Variants in TMEM132D observed in about 807,000 individuals in gnomAD.
TMEM132D encodes the protein transmembrane protein 132D.
In TMEM132D, 21 loss-of-function variants were observed where a neutral mutation model predicts 62.3. That is an observed-to-expected ratio of 0.34 (90% CI 0.24 to 0.49). TMEM132D has a LOEUF of 0.49. Among genes scored for constraint, TMEM132D ranks in the 20% least tolerant of loss-of-function variants. TMEM132D has a pLI of 0.99. For missense variants in TMEM132D, 1,346 were observed against 1,402.8 expected (o/e 0.96, Z 0.65); for synonymous variants, 621 against 575.6 (o/e 1.08, Z -1.13).
intron 2 of TMEM132D, among the ~76,000 whole-genome samples, chr12:129,646,245 G>A (rs569380955): frequency 2.6e-5 from 4 of 152,176 alleles, no homozygotes; most frequent in East Asian, 3.9e-4. Flanking sequence ...AGTACATTTC[G>A]CACTGTCTCT....
At chr12:129,240,246 A>C (rs1022949452) in intron 4 of TMEM132D, among the ~76,000 whole-genome samples, 8 of 152,182 alleles carry the variant, frequency 5.3e-5, no homozygotes, top group African/African-American at 1.7e-4. Context: ...TTTATGTATA[A>C]AATGACCCTC....
chr12:129,546,025 G>T (rs1876722396), intron 2 of TMEM132D, among the ~76,000 whole-genome samples: 1 of 152,068 alleles, frequency 6.6e-6, no homozygotes, highest in Admixed American at 6.6e-5. Context: ...AGCTAGCGTG[G>T]GGTTCGATCA....
chr12:129,675,910 A>G (rs1375848751), intron 2 of TMEM132D, among the ~76,000 whole-genome samples: 3 of 152,208 alleles, frequency 2.0e-5, no homozygotes, highest in Non-Finnish European at 4.4e-5. Flanking sequence ...TGAGTGAAAA[A>G]CAGTGACATT....
intron 5 of TMEM132D, among the ~76,000 whole-genome samples, chr12:129,117,524 CT>C (rs1875931243): frequency 6.6e-6 from 1 of 152,120 alleles, no homozygotes; most frequent in Non-Finnish European, 1.5e-5. Flanking sequence ...CACATATCGG[CT>C]TACTTAATTT....
chr12:129,244,373 G>C (rs112384378), intron 4 of TMEM132D, among the ~76,000 whole-genome samples: 2 of 121,118 alleles, frequency 1.7e-5, no homozygotes, highest in South Asian at 6.0e-4. Context: ...GCGACAGAGC[G>C]AGACTCTGTC....
chr12:129,789,167 G>A (rs777656816), intron 1 of TMEM132D, among the ~76,000 whole-genome samples: 3 of 152,042 alleles, frequency 2.0e-5, no homozygotes, highest in African/African-American at 4.8e-5. Flanking sequence ...CCCATCACCC[G>A]AGCAGTGTTC....
At chr12:129,452,378 G>C (rs1250166953) in intron 3 of TMEM132D, among the ~76,000 whole-genome samples, 1 of 152,220 alleles carries the variant, frequency 6.6e-6, no homozygotes, top group Non-Finnish European at 1.5e-5. Context: ...CTCTGAAAAA[G>C]TAGCTGCTGT....
intron 3 of TMEM132D, among the ~76,000 whole-genome samples, chr12:129,421,961 G>T (rs1872336829): frequency 6.6e-6 from 1 of 152,102 alleles, no homozygotes. Context: ...ACAGAACAAT[G>T]CCATCGTTCC....
At chr12:129,348,554 G>T (rs769715291) in intron 3 of TMEM132D, among the ~76,000 whole-genome samples, 18 of 151,948 alleles carry the variant, frequency 1.2e-4, no homozygotes, top group Non-Finnish European at 2.4e-4. Context: ...AGGGCCTGTC[G>T]GGGGTAGTGG....
At chr12:129,775,735 G>C (rs908900484) in intron 1 of TMEM132D, among the ~76,000 whole-genome samples, 1 of 152,154 alleles carries the variant, frequency 6.6e-6, no homozygotes, top group Admixed American at 6.5e-5. Context: ...CTGCCTCCCA[G>C]GCCCCTCCTC....
At chr12:129,893,740 T>C (rs1875011564) in intron 1 of TMEM132D, among the ~76,000 whole-genome samples, 1 of 152,252 alleles carries the variant, frequency 6.6e-6, no homozygotes. Context: ...AATACTTTAT[T>C]TGTCCTATAA....
chr12:129,353,073 A>C (rs1285169686), intron 3 of TMEM132D, among the ~76,000 whole-genome samples: 1 of 152,048 alleles, frequency 6.6e-6, no homozygotes, highest in African/African-American at 2.4e-5. Flanking sequence ...TCCAGGAATC[A>C]GTTTCTGTCC....
chr12:129,528,431 C>CAAAAAAA (rs200147997), intron 3 of TMEM132D, among the ~76,000 whole-genome samples: 1 of 133,202 alleles, frequency 7.5e-6, no homozygotes, highest in Non-Finnish European at 1.6e-5. Flanking sequence ...ATGCACACAG[C>CAAAAAAA]AAAAAAAAAA....
rs373837914 is a variant in TMEM132D, at chr12:129,672,309, G to A, written c.968+27501C>T. Among the ~76,000 whole-genome samples the A allele has an allele frequency of 1.8e-3, 275 of 152,248 alleles. 1 individual carries two copies. The highest frequency in any genetic ancestry group is 6.1e-3 in the African/African-American group (252 of 41,552). ...GTAAAAATGTCCTACATAACCCTGC[G>A]CACTCTCATTTCCTATCTACCAGCT... On this transcript the variant is annotated intron_variant, in intron 2 of 8. Transcript: ENST00000422113.
intron 4 of TMEM132D, among the ~76,000 whole-genome samples, chr12:129,330,519 T>TCCATTCATGGATGTGAATAAAC (rs1869069808): frequency 6.6e-6 from 1 of 152,216 alleles, no homozygotes; most frequent in Non-Finnish European, 1.5e-5. Flanking sequence ...TGTGAATTAA[T>TCCATTCATGGATGTGAATAAAC]CCATTCATGG....
At chr12:129,317,118 A>G (rs992019370) in intron 4 of TMEM132D, among the ~76,000 whole-genome samples, 1 of 149,782 alleles carries the variant, frequency 6.7e-6, no homozygotes, top group African/African-American at 2.6e-5. Flanking sequence ...TAGGACATTT[A>G]TATTCAATGT....
At chr12:129,409,077 C>T (rs1227599845) in intron 3 of TMEM132D, among the ~76,000 whole-genome samples, 7 of 152,080 alleles carry the variant, frequency 4.6e-5, no homozygotes, top group Non-Finnish European at 8.8e-5. Context: ...GGATTACACG[C>T]ACCCACCACC....
At chr12:129,630,021 T>G (rs914333117) in intron 2 of TMEM132D, among the ~76,000 whole-genome samples, 3 of 152,264 alleles carry the variant, frequency 2.0e-5, no homozygotes, top group African/African-American at 4.8e-5. Context: ...ATCTGCTGGA[T>G]GGCTGGTTCC....
intron 2 of TMEM132D, among the ~76,000 whole-genome samples, chr12:129,560,921 T>C (rs1174986492): frequency 6.6e-6 from 1 of 152,188 alleles, no homozygotes; most frequent in Non-Finnish European, 1.5e-5. Context: ...GAGAAAATTA[T>C]ATGAGAATTT....
Sources: allele counts gnomAD v4.1 joint callset (sites outside exome capture counted in the v4.1 genomes callset), GRCh38; gene constraint gnomAD v4.1.1; transcripts MANE v1.5; gene names NCBI Gene and HGNC (gene_info 2026-07-23, HGNC 2026-07-21).